LRRTM4: variants seen among roughly 807,000 people sequenced by gnomAD.
LRRTM4 encodes the protein leucine rich repeat transmembrane neuronal 4, also known as leucine-rich repeat transmembrane neuronal protein 4.
Under a neutral mutation model 47.6 loss-of-function variants are expected in LRRTM4, and 25 were observed. The observed-to-expected ratio is 0.53, with a 90% CI of 0.38 to 0.73. The LOEUF is 0.73. Among genes scored for constraint, LRRTM4 ranks in the 30% least tolerant of loss-of-function variants. The probability of loss-of-function intolerance (pLI) is 0.00; values close to 1 mark genes in which losing one functional copy is unlikely to be tolerated. For synonymous variants in LRRTM4, 311 were observed against 269.5 expected (o/e 1.15, Z -1.51); for missense variants, 638 against 713.4 (o/e 0.89, Z 1.20).
rs545925005 is a variant in LRRTM4, at chr2:77,365,122, T to G, written c.1551+153196A>C. ...AAAAAATAATAAAAGAGTAACATCT[T>G]CTCTTTTCACAGGTAAAATCCAGAT... On this transcript the variant is annotated intron_variant, in intron 3 of 3. Coordinates refer to ENST00000409884, the MANE Select transcript of LRRTM4 (RefSeq NM_001134745.3). Among the ~76,000 whole-genome samples the G allele has an allele frequency of 1.2e-4, 19 of 152,150 alleles. No homozygotes were observed. In the East Asian group the frequency reaches 3.3e-3, roughly 26 times the overall value.
At chr2:77,002,811 A>G (rs1677481506) in intron 3 of LRRTM4, among the ~76,000 whole-genome samples, 2 of 152,152 alleles carry the variant, frequency 1.3e-5, no homozygotes, top group Non-Finnish European at 1.5e-5. Flanking sequence ...TAGAACACAG[A>G]ATCTAAGCTC....
chr2:76,797,846 A>C (rs1675432491), intron 3 of LRRTM4, among the ~76,000 whole-genome samples: 1 of 151,740 alleles, frequency 6.6e-6, no homozygotes, highest in African/African-American at 2.4e-5. Context: ...CTTTAAACCA[A>C]CAAAGATCAA....
chr2:77,065,420 C>A (rs1679920397), intron 3 of LRRTM4, among the ~76,000 whole-genome samples: 1 of 152,104 alleles, frequency 6.6e-6, no homozygotes, highest in Non-Finnish European at 1.5e-5. Flanking sequence ...GCATGTCCTG[C>A]TCTTTATTGA....
intron 3 of LRRTM4, among the ~76,000 whole-genome samples, chr2:76,975,148 T>A (rs1335062222): frequency 6.6e-6 from 1 of 151,680 alleles, no homozygotes. Flanking sequence ...TATTTATGAG[T>A]AAAGAGCATA....
chr2:76,809,961 C>T (rs1322604570), intron 3 of LRRTM4, among the ~76,000 whole-genome samples: 1 of 152,136 alleles, frequency 6.6e-6, no homozygotes, highest in African/African-American at 2.4e-5. Flanking sequence ...CCTGACCAAC[C>T]TATAAAAAAA....
chr2:76,980,490 T>C lies in LRRTM4; in HGVS notation c.1552-231574A>G, dbSNP rs57642722. Among the ~76,000 whole-genome samples, 1,460 of 152,174 alleles carry C rather than the reference T, an allele frequency of 9.6e-3. 19 individuals carry two copies. Among genetic ancestry groups the C allele is most frequent in the African/African-American group, 0.027 (1,111 of 41,550 alleles). On this transcript the variant is annotated intron_variant, in intron 3 of 3. Coordinates refer to ENST00000409884, the MANE Select transcript of LRRTM4 (RefSeq NM_001134745.3). ...AACAGATGGAATAGTCCTACTACCT[T>C]ATGTGTCACTTGCAGAAAAATTCAA...
At chr2:77,291,672 A>G (rs1490408076) in intron 3 of LRRTM4, among the ~76,000 whole-genome samples, 2 of 152,088 alleles carry the variant, frequency 1.3e-5, no homozygotes, top group Non-Finnish European at 2.9e-5. Flanking sequence ...TTTAGTGACC[A>G]TTATATTTTA....
At chr2:76,988,280 A>G (rs1448412676) in intron 3 of LRRTM4, among the ~76,000 whole-genome samples, 1 of 151,902 alleles carries the variant, frequency 6.6e-6, no homozygotes, top group African/African-American at 2.4e-5. Flanking sequence ...CTTAAGCACA[A>G]GGAAAGAAAA....
At chr2:77,199,005 A>G (rs6748317) in intron 3 of LRRTM4, among the ~76,000 whole-genome samples, 30,366 of 152,080 alleles carry the variant, frequency 0.2, 5,863 homozygotes, top group African/African-American at 0.5. Flanking sequence ...GACATCTCCA[A>G]CTTCTGAATT....
intron 3 of LRRTM4, among the ~76,000 whole-genome samples, chr2:77,080,183 C>T (rs1042800706): frequency 6.6e-6 from 1 of 152,176 alleles, no homozygotes; most frequent in Non-Finnish European, 1.5e-5. Flanking sequence ...AACTTAATAA[C>T]TCCCTTGAAA....
chr2:77,249,092 T>G (rs2861016), intron 3 of LRRTM4, among the ~76,000 whole-genome samples: 82,986 of 151,706 alleles, frequency 0.55, 23,052 homozygotes, highest in African/African-American at 0.6. Context: ...GCTCATGACT[T>G]TAATCCTAGC....
intron 3 of LRRTM4, among the ~76,000 whole-genome samples, chr2:77,329,037 G>C (rs1474595414): frequency 6.6e-6 from 1 of 152,154 alleles, no homozygotes; most frequent in Non-Finnish European, 1.5e-5. Flanking sequence ...TCTTGTCCGA[G>C]ATGGCTGCTG....
At chr2:77,009,964 G>T (rs1252246916) in intron 3 of LRRTM4, among the ~76,000 whole-genome samples, 2 of 146,886 alleles carry the variant, frequency 1.4e-5, no homozygotes, top group Admixed American at 1.3e-4. Flanking sequence ...ATCAGGGCAG[G>T]ACCCTTTTTT....
chr2:76,909,836 G>T (rs374668372), intron 3 of LRRTM4, among the ~76,000 whole-genome samples: 63 of 152,202 alleles, frequency 4.1e-4, no homozygotes, highest in African/African-American at 1.3e-3. Context: ...CATTAAAAAG[G>T]CAGGAAACAA....
intron 3 of LRRTM4, among the ~76,000 whole-genome samples, chr2:77,284,429 T>C (rs1352439826): frequency 6.6e-6 from 1 of 152,120 alleles, no homozygotes; most frequent in Non-Finnish European, 1.5e-5. Flanking sequence ...TATTTTGTCT[T>C]TTCATTAAAT....
chr2:77,519,766 G>C lies in LRRTM4; in HGVS notation c.103C>G (p.Pro35Ala). 6.2e-7 allele frequency: 1 copy of C among 1,613,118 alleles called. No individual in the cohort carries two copies. The highest frequency in any genetic ancestry group is 8.5e-7 in the Non-Finnish European group (1 of 1,179,518). ...VMLTGAQRAC[P>A]KNCRCDGKIV... ...TTGCCATCACATCTGCAGTTCTTTGGGCAAGCTCTCTGAGCACCCGTGAGC... is the reference window on the plus strand; with the variant it reads ...TTGCCATCACATCTGCAGTTCTTTGCGCAAGCTCTCTGAGCACCCGTGAGC... The change falls in exon 3 of 4, where the codon CCA becomes GCA. Residue 35 changes from proline to alanine, a missense_variant. Physicochemically the swap from Pro to Ala is conservative, Grantham distance 27. Transcript: ENST00000409884. This position sits in a 1 kb window ranked among gnomAD's most constrained non-coding sequence, Gnocchi z 4.6.
chr2:77,283,427 A>G (rs1378211806), intron 3 of LRRTM4, among the ~76,000 whole-genome samples: 1 of 151,946 alleles, frequency 6.6e-6, no homozygotes, highest in Non-Finnish European at 1.5e-5. Context: ...AGATTTCTCA[A>G]AGAACTTAAG....
intron 3 of LRRTM4, among the ~76,000 whole-genome samples, chr2:77,146,760 A>G (rs1475498728): frequency 2.6e-5 from 4 of 152,150 alleles, no homozygotes; most frequent in Admixed American, 6.5e-5. Context: ...AAAAATTCAA[A>G]TCTCCAAGCA....
intron 3 of LRRTM4, among the ~76,000 whole-genome samples, chr2:77,094,728 G>A (rs1670760297): frequency 6.6e-6 from 1 of 152,056 alleles, no homozygotes; most frequent in African/African-American, 2.4e-5. Context: ...TGGATATCCA[G>A]AATCAAAAGA....
Sources: allele counts gnomAD v4.1 joint callset (sites outside exome capture counted in the v4.1 genomes callset), GRCh38; gene constraint gnomAD v4.1.1; non-coding constraint Gnocchi (gnomAD v3.1); transcripts MANE v1.5; gene names NCBI Gene and HGNC (gene_info 2026-07-23, HGNC 2026-07-21).